Variants in SLC26A2 observed in about 807,000 individuals in gnomAD.
SLC26A2 encodes sulfate transporter.
A neutral mutation model predicts 41.1 loss-of-function variants in SLC26A2; 36 were observed. The ratio of observed to expected loss-of-function variants is 0.88; its 90% CI spans 0.67 to 1.16. The LOEUF is 1.16. SLC26A2 is among the 50% of genes most tolerant of loss of function. SLC26A2 has a pLI of 0.00. For synonymous variants in SLC26A2, 291 were observed against 311.6 expected, an observed-to-expected ratio of 0.93 and a Z score of 0.70; for missense variants, 796 against 869.6, an observed-to-expected ratio of 0.92 and a Z score of 1.07.
At chr5:149,966,090 A>C (rs1291580204) in intron 1 of SLC26A2, among the ~76,000 whole-genome samples, 5 of 152,130 alleles carry the variant, frequency 3.3e-5, no homozygotes, top group Non-Finnish European at 7.4e-5. Context: ...TTTTTAGTAG[A>C]GATAGAATTT....
Position 149,980,752 on chromosome 5 carries a change from A to G in SLC26A2, c.1159A>G (p.Ile387Val), listed in dbSNP as rs147953424. The change falls in exon 3 of 3, where the codon ATA becomes GTA. Residue 387 changes from isoleucine to valine, a missense_variant. Coordinates refer to ENST00000286298, the MANE Select transcript of SLC26A2 (RefSeq NM_000112.4). Reference sequence around the variant, plus strand: ...AATTCCTAGTGTGGCTGTAGATGCAATAGCTATTTCCATCATTGGTTTTGC... The same window carrying G: ...AATTCCTAGTGTGGCTGTAGATGCAGTAGCTATTTCCATCATTGGTTTTGC... ...NLIPSVAVDA[I>V]AISIIGFAIT... The G allele has an allele frequency of 4.3e-6, 7 of 1,613,996 alleles. No individual in the cohort carries two copies. Among genetic ancestry groups the G allele is most frequent in the Non-Finnish European group, 3.4e-6 (4 of 1,179,956 alleles).
At chr5:149,976,157 CAAA>C (rs1346245034) in intron 1 of SLC26A2, among the ~76,000 whole-genome samples, 2 of 79,310 alleles carry the variant, frequency 2.5e-5, no homozygotes, top group Non-Finnish European at 5.7e-5. Context: ...AACTCTGTCT[CAAA>C]AAAAAAAAAA....
At chr5:149,964,468 C>A (rs375821578) in intron 1 of SLC26A2, among the ~76,000 whole-genome samples, 1 of 151,574 alleles carries the variant, frequency 6.6e-6, no homozygotes, top group Non-Finnish European at 1.5e-5. Context: ...CAGAGTGAGA[C>A]CCCATCTCAA....
intron 1 of SLC26A2, among the ~76,000 whole-genome samples, chr5:149,969,803 T>G (rs979927834): frequency 2.6e-5 from 4 of 152,230 alleles, no homozygotes; most frequent in African/African-American, 9.6e-5. Context: ...GATCTTTCAC[T>G]TGCCTGAGTT....
rs146042098 is a variant in SLC26A2, at chr5:149,981,538, A to G, written c.1945A>G (p.Ile649Val). The stretch of plus-strand genomic sequence containing the variant: ...CCATGATCCCTTGGAGCTGCATACT[A>G]TAGTGATTGACTGCAGTGCAATTCA... ...LSHDPLELHT[I>V]VIDCSAIQFL... Residue 649 changes from isoleucine to valine, a missense_variant, in exon 3 of 3, where the codon ATA becomes GTA. Ile to Val is a conservative substitution (Grantham distance 29). Coordinates refer to ENST00000286298, the MANE Select transcript of SLC26A2 (RefSeq NM_000112.4). 2.4e-5 allele frequency: 39 copies of G among 1,614,028 alleles called. No individual in the cohort carries two copies. In the African/African-American group the frequency reaches 3.3e-4, roughly 14 times the overall value.
chr5:149,968,588 T>TTG (rs2113689370), intron 1 of SLC26A2, among the ~76,000 whole-genome samples: 1 of 150,414 alleles, frequency 6.6e-6, no homozygotes, highest in African/African-American at 2.5e-5. Flanking sequence ...TTTTTTTTTT[T>TTG]TTTTTGTATT....
rs1755181235 is a variant in SLC26A2, at chr5:149,985,348, A to G, written c.*3535A>G. On this transcript the variant is annotated 3_prime_UTR_variant, in exon 3 of 3. Transcript: ENST00000286298. ...GTAGGACCAAAGGAAAACAAGATTTAGATAGTCTGACTTTGCTTTTGAACA... is the reference window on the plus strand; with the variant it reads ...GTAGGACCAAAGGAAAACAAGATTTGGATAGTCTGACTTTGCTTTTGAACA... The G allele has an allele frequency of 6.6e-6, 1 of 152,230 alleles. No homozygotes were observed. The highest frequency in any genetic ancestry group is 2.4e-5 in the African/African-American group (1 of 41,464). 9.4% of individuals were successfully genotyped at this position (152,230 alleles called of 1,614,324 possible).
intron 1 of SLC26A2, among the ~76,000 whole-genome samples, chr5:149,966,504 G>T (rs1053586101): frequency 9.9e-5 from 15 of 152,178 alleles, no homozygotes; most frequent in African/African-American, 3.4e-4. Context: ...AGGTTGTGAA[G>T]CTCAGTTTTA....
At chr5:149,978,761 C>T (rs1360770602) in intron 2 of SLC26A2, among the ~76,000 whole-genome samples, 1 of 151,816 alleles carries the variant, frequency 6.6e-6, no homozygotes, top group Non-Finnish European at 1.5e-5. Context: ...TATCTTAGTT[C>T]ACTGCAACGT....
At chr5:149,965,429 G>A (rs1754788673) in intron 1 of SLC26A2, among the ~76,000 whole-genome samples, 2 of 128,104 alleles carry the variant, frequency 1.6e-5, no homozygotes, top group South Asian at 2.6e-4. Flanking sequence ...GCAGTGAGCC[G>A]AGATCACACC....
At chr5:149,963,896 T>C (rs1212252221) in intron 1 of SLC26A2, among the ~76,000 whole-genome samples, 1 of 151,966 alleles carries the variant, frequency 6.6e-6, no homozygotes. Context: ...GTTTTATATA[T>C]TGTATCTAGG....
At chr5:149,970,998 C>A (rs2113690987) in intron 1 of SLC26A2, among the ~76,000 whole-genome samples, 1 of 152,300 alleles carries the variant, frequency 6.6e-6, no homozygotes, top group African/African-American at 2.4e-5. Flanking sequence ...TCTAGGAGCT[C>A]ACATAGAAAA....
At chr5:149,973,438 A>T (rs1214753814) in intron 1 of SLC26A2, among the ~76,000 whole-genome samples, 1 of 150,496 alleles carries the variant, frequency 6.6e-6, no homozygotes, top group Non-Finnish European at 1.5e-5. Flanking sequence ...CCTTCCTGAA[A>T]CTGTCTCTCT....
chr5:149,978,910 G>C (rs1353975158), intron 2 of SLC26A2, among the ~76,000 whole-genome samples: 1 of 151,558 alleles, frequency 6.6e-6, no homozygotes, highest in Non-Finnish European at 1.5e-5. Flanking sequence ...TAGAGACAGG[G>C]TTTTGCCACG....
At position 149,981,808 on chromosome 5, in the gene SLC26A2, G is replaced by A; in HGVS notation, c.2215G>A (p.Asp739Asn). The change falls in exon 3 of 3, where the codon GAT becomes AAT. Residue 739 changes from aspartate to asparagine, a missense_variant. Asp to Asn is a conservative substitution (Grantham distance 23, BLOSUM62 1). Coordinates refer to ENST00000286298, the MANE Select transcript of SLC26A2 (RefSeq NM_000112.4). The part of the protein sequence containing the change: ...CVPNGLSLSS[D>N] ...TCCCAATGGTCTGAGTCTTAGTAGT[G>A]ATTAATTGAGAAGGTAGATAGAAGA... 1 of 1,605,364 alleles carries A rather than the reference G, an allele frequency of 6.2e-7. No individual in the cohort carries two copies. The highest frequency in any genetic ancestry group is 8.5e-7 in the Non-Finnish European group (1 of 1,173,236).
intron 1 of SLC26A2, among the ~76,000 whole-genome samples, chr5:149,973,216 T>G (rs1754934998): frequency 6.6e-6 from 1 of 152,146 alleles, no homozygotes; most frequent in South Asian, 2.1e-4. Flanking sequence ...CAATTCCCCC[T>G]CCCATTCTGT....
At chr5:149,978,444 T>TGTG in intron 2 of SLC26A2, 93 bp downstream of exon 2, 1 of 1,084,214 alleles carries the variant, frequency 9.2e-7, no homozygotes, top group South Asian at 1.3e-5. Flanking sequence ...TCACAATAAT[T>TGTG]AAAGGTATCA....
intron 2 of SLC26A2, among the ~76,000 whole-genome samples, chr5:149,979,118 A>G (rs976378386): frequency 2.0e-5 from 3 of 152,012 alleles, no homozygotes; most frequent in African/African-American, 7.3e-5. Context: ...GAGGGAGGGA[A>G]AAAGTTGGGG....
In SLC26A2 at chr5:149,978,366, A is replaced by G. The variant is rs1755035045; in HGVS notation, c.699+15A>G. 1.9e-6 allele frequency: 3 copies of G among 1,587,414 alleles called. No homozygotes were observed. The East Asian group carries it at 6.7e-5, about 35-fold the overall frequency. On this transcript the variant is annotated intron_variant, in intron 2 of 2. Transcript: ENST00000286298. ...GAGTTTATCAGGTAAGCAGCAATGA[A>G]ACAATTGGTTATTTCTAGAAAAGTA... is the stretch of plus-strand genomic sequence containing the variant.
Sources: allele counts gnomAD v4.1 joint callset (sites outside exome capture counted in the v4.1 genomes callset), GRCh38; gene constraint gnomAD v4.1.1; transcripts MANE v1.5; gene names NCBI Gene and HGNC (gene_info 2026-07-23, HGNC 2026-07-21).